Variants in ANTKMT observed in about 807,000 individuals in gnomAD.
The protein encoded by ANTKMT is adenine nucleotide translocase lysine methyltransferase.
Under a neutral mutation model 20.7 loss-of-function variants are expected in ANTKMT, and 24 were observed. The observed-to-expected ratio is 1.16, with a 90% confidence interval of 0.84 to 1.63. The LOEUF (loss-of-function observed/expected upper bound fraction) is 1.63, where lower values mean the gene tolerates loss of function less well. Among genes scored for constraint, ANTKMT ranks in the 40% most tolerant of loss-of-function variants. The pLI is 0.00. For missense variants in ANTKMT, 428 were observed against 334.8 expected (o/e 1.28, Z -2.17); for synonymous variants, 193 against 161.2 (o/e 1.20, Z -1.49).
chr16:722,152 AG>A lies in ANTKMT; in HGVS notation c.459+19del. 1 of 1,601,608 alleles carries A rather than the reference AG, an allele frequency of 6.2e-7. No individual in the cohort carries two copies. Among genetic ancestry groups the A allele is most frequent in the Non-Finnish European group, 8.5e-7 (1 of 1,176,752 alleles). On this transcript the variant is annotated intron_variant, in intron 4 of 4. Coordinates refer to ENST00000569529, the MANE Select transcript of ANTKMT (RefSeq NM_023933.3). Reference sequence around the variant, plus strand: ...CTAGCGTGGTAGGTGCGGGGTTGCCAGCCCCGCTGGGAAGCCCCAGCCACAC... The same window carrying A: ...CTAGCGTGGTAGGTGCGGGGTTGCCACCCCGCTGGGAAGCCCCAGCCACAC...
At chr16:722,020 G>T in intron 3 of ANTKMT, 64 bp from the exon 4 acceptor site, 1 of 1,556,516 alleles carries the variant, frequency 6.4e-7, no homozygotes, top group Middle Eastern at 1.7e-4. Context: ...CCGGGACTCG[G>T]AAGCTGCGAT....
In ANTKMT at chr16:722,418, G is replaced by A; in HGVS notation, c.569G>A (p.Gly190Asp). 6.2e-7 allele frequency: 1 copy of A among 1,606,686 alleles called. No homozygotes were observed. Among genetic ancestry groups the A allele is most frequent in the Non-Finnish European group, 8.5e-7 (1 of 1,176,854 alleles). ...TWQPVTAVGE[G>D]LDRVWAYDVP... is the part of the protein sequence containing the mutation. ...CAGCCTGTGACCGCGGTTGGCGAGG[G>A]CCTGGACCGAGTATGGGCTTATGAT... The change falls in exon 5 of 5, where the codon GGC (glycine) becomes GAC (aspartate). Residue 190 changes from glycine (G) to aspartate (D), a missense_variant. Coordinates refer to ENST00000569529, the MANE Select transcript of ANTKMT (RefSeq NM_023933.3).
At chr16:721,577 T>A in intron 1 of ANTKMT, 21 bp from the exon 2 acceptor site, 2 of 1,533,128 alleles carry the variant, frequency 1.3e-6, no homozygotes, top group Admixed American at 4.0e-5. Flanking sequence ...GCCAGTGGAC[T>A]CTCGCCGCCA....
rs56225914 is a variant in ANTKMT, at chr16:721,181, C to G, written c.-94C>G. 0.24 allele frequency: 283,580 copies of G among 1,162,220 alleles called. 36,071 individuals are homozygous for G. Among genetic ancestry groups the G allele is most frequent in the South Asian group, 0.33 (7,771 of 23,482 alleles). 72.0% of individuals were successfully genotyped at this position (1,162,220 alleles called of 1,614,324 possible). ...TCGCGCGGCGGCTCCCGGCAGGAGGCAGAGGGCACACCGCCAGCCCCAGGC... is the reference window on the plus strand; with the variant it reads ...TCGCGCGGCGGCTCCCGGCAGGAGGGAGAGGGCACACCGCCAGCCCCAGGC... On this transcript the variant is annotated 5_prime_UTR_variant, in exon 1 of 5. Transcript: ENST00000569529.
In ANTKMT at chr16:721,447, G is replaced by C. The variant is rs1596587036; in HGVS notation, c.162+11G>C. On this transcript the variant is annotated intron_variant, in intron 1 of 4. Transcript: ENST00000569529. ...CCGCTGCGGCTGCAGGTGCGGGGCG[G>C]GGCCAGGCCGGGCAGGGGAGCTCGG... 5.2e-6 allele frequency: 7 copies of C among 1,333,566 alleles called. No individual in the cohort carries two copies. The East Asian group carries it at 2.2e-4, about 42-fold the overall frequency. The allele number at this position is 1,333,566 out of a possible 1,614,324, so 82.6% of individuals were successfully genotyped here. A position where few individuals can be genotyped will look rare whatever the true frequency, so the allele number is the denominator to read the frequency against.
In ANTKMT at chr16:721,782, A is replaced by C. The variant is rs2040239162; in HGVS notation, c.268-19A>C. ...CGCCCCTGCCCACATCCTGGTTCCC[A>C]CACTCTCGGTGCCCACAGGTGCTGG... On this transcript the variant is annotated intron_variant, in intron 2 of 4. Coordinates refer to ENST00000569529, the MANE Select transcript of ANTKMT (RefSeq NM_023933.3). 6.5e-7 allele frequency: 1 copy of C among 1,535,126 alleles called. No individual in the cohort carries two copies. Among genetic ancestry groups the C allele is most frequent in the South Asian group, 1.2e-5 (1 of 82,702 alleles).
At position 721,502 on chromosome 16, in the gene ANTKMT, T is replaced by G. The variant is rs1419938427; in HGVS notation, c.162+66T>G. 2.8e-6 allele frequency: 4 copies of G among 1,424,252 alleles called. No homozygotes were observed. The African/African-American group carries it at 6.1e-5, about 22-fold the overall frequency. 88.2% of individuals were successfully genotyped at this position (1,424,252 alleles called of 1,614,324 possible). On this transcript the variant is annotated intron_variant, in intron 1 of 4. Transcript: ENST00000569529. ...CGCTCAGGGTCTCAAGGTCTGGGCG[T>G]GGCCGGGGTGAGCTCCGCCCCGCCG...
Position 722,154 on chromosome 16 carries a change from C to G in ANTKMT, c.459+20C>G. On this transcript the variant is annotated intron_variant, in intron 4 of 4. Transcript: ENST00000569529. ...AGCGTGGTAGGTGCGGGGTTGCCAG[C>G]CCCGCTGGGAAGCCCCAGCCACACC... 1 of 1,601,960 alleles carries G rather than the reference C, an allele frequency of 6.2e-7. No homozygotes were observed. The highest frequency in any genetic ancestry group is 8.5e-7 in the Non-Finnish European group (1 of 1,176,794).
intron 1 of ANTKMT, 35 bp downstream of exon 1, chr16:721,471 G>T (rs1322787503): frequency 2.9e-5 from 39 of 1,367,520 alleles, no homozygotes; most frequent in Middle Eastern, 2.7e-4. Context: ...AGGGGAGCTC[G>T]GCTGCCGCTC....
chr16:722,028 G>A (rs1403753910), intron 3 of ANTKMT, 56 bp from the exon 4 acceptor site: 3 of 1,562,266 alleles, frequency 1.9e-6, no homozygotes, highest in Non-Finnish European at 2.6e-6. Context: ...CGGAAGCTGC[G>A]ATGACCCGGT....
chr16:722,484 G>C lies in ANTKMT; in HGVS notation c.635G>C (p.Arg212Pro). The C allele has an allele frequency of 6.2e-7, 1 of 1,612,388 alleles. No individual in the cohort carries two copies. Among genetic ancestry groups the C allele is most frequent in the African/African-American group, 1.3e-5 (1 of 75,048 alleles). Residue 212 changes from arginine to proline, a missense_variant, in exon 5 of 5, where the codon CGG becomes CCG. Arg to Pro is a moderately radical substitution (Grantham distance 103, BLOSUM62 -2). Transcript: ENST00000569529. ...CAGGCTGGGGAGGCCGCCTCCTCGC[G>C]GATACCCATCCAGGCTGCCCCCGGA... ...GGQAGEAASS[R>P]IPIQAAPGPS...
Position 722,361 on chromosome 16 carries a change from T to C in ANTKMT, c.512T>C (p.Val171Ala). ...ACAGAGCTGCCTGCTGGGGCCCGCG[T>C]GGTGTCTGGGCGCTTCCCACTCCCC... Reference protein sequence around the residue: ...LRTELPAGARVVSGRFPLPTW... With the variant: ...LRTELPAGARAVSGRFPLPTW... Residue 171 changes from valine (V) to alanine (A), a missense_variant, in exon 5 of 5, where the codon GTG becomes GCG. Transcript: ENST00000569529. 1 of 1,606,140 alleles carries C rather than the reference T, an allele frequency of 6.2e-7. No individual in the cohort carries two copies. The highest frequency in any genetic ancestry group is 8.5e-7 in the Non-Finnish European group (1 of 1,177,016).
In ANTKMT at chr16:722,151, C is replaced by T. The variant is rs778660338; in HGVS notation, c.459+17C>T. 1 of 1,601,990 alleles carries T rather than the reference C, an allele frequency of 6.2e-7. No homozygotes were observed. The highest frequency in any genetic ancestry group is 8.5e-7 in the Non-Finnish European group (1 of 1,176,882). On this transcript the variant is annotated intron_variant, in intron 4 of 4. Coordinates refer to ENST00000569529, the MANE Select transcript of ANTKMT (RefSeq NM_023933.3). Reference sequence around the variant, plus strand: ...CCTAGCGTGGTAGGTGCGGGGTTGCCAGCCCCGCTGGGAAGCCCCAGCCAC... The same window carrying T: ...CCTAGCGTGGTAGGTGCGGGGTTGCTAGCCCCGCTGGGAAGCCCCAGCCAC...
rs764776808 is a variant in ANTKMT, at chr16:721,789, C to G, written c.268-12C>G. 3.9e-6 allele frequency: 6 copies of G among 1,538,108 alleles called. No homozygotes were observed. In the South Asian group the frequency reaches 7.2e-5, roughly 18 times the overall value. On this transcript the variant is annotated splice_polypyrimidine_tract_variant and intron_variant, in intron 2 of 4. Coordinates refer to ENST00000569529, the MANE Select transcript of ANTKMT (RefSeq NM_023933.3). ...GCCCACATCCTGGTTCCCACACTCT[C>G]GGTGCCCACAGGTGCTGGCGGCCCA... is the stretch of plus-strand genomic sequence containing the variant.
rs936756311 is a variant in ANTKMT, at chr16:721,383, G to T, written c.109G>T (p.Val37Leu). 1.5e-6 allele frequency: 2 copies of T among 1,310,736 alleles called. No homozygotes were observed. The highest frequency in any genetic ancestry group is 8.2e-5 in the Admixed American group (2 of 24,502). 81.2% of individuals were successfully genotyped at this position (1,310,736 alleles called of 1,614,324 possible). The change falls in exon 1 of 5, where the codon GTG becomes TTG. Residue 37 changes from valine to leucine, a missense_variant. Val to Leu is a conservative substitution (Grantham distance 32, BLOSUM62 1). Coordinates refer to ENST00000569529, the MANE Select transcript of ANTKMT (RefSeq NM_023933.3). Reference sequence around the variant, plus strand: ...CGGCTCGGGCTTGGCAGCCTACGCGGTGTGGGCGCTGCTGCTCCAGCCCGG... The same window carrying T: ...CGGCTCGGGCTTGGCAGCCTACGCGTTGTGGGCGCTGCTGCTCCAGCCCGG... ...AAGSGLAAYA[V>L]WALLLQPGFR... is the part of the protein sequence containing the mutation.
At chr16:722,045 C>T (rs773073525) in intron 3 of ANTKMT, 39 bp from the exon 4 acceptor site, 3 of 1,578,528 alleles carry the variant, frequency 1.9e-6, no homozygotes, top group Non-Finnish European at 2.6e-6. Flanking sequence ...CGGTGCCCAC[C>T]AGGCCTCTCC....
In ANTKMT at chr16:721,782, A is replaced by T. The variant is rs2040239162; in HGVS notation, c.268-19A>T. 6.5e-7 allele frequency: 1 copy of T among 1,535,242 alleles called. No individual in the cohort carries two copies. The highest frequency in any genetic ancestry group is 8.8e-7 in the Non-Finnish European group (1 of 1,142,044). ...CGCCCCTGCCCACATCCTGGTTCCC[A>T]CACTCTCGGTGCCCACAGGTGCTGG... is the stretch of plus-strand genomic sequence containing the variant. On this transcript the variant is annotated intron_variant, in intron 2 of 4. Transcript: ENST00000569529.
At chr16:722,284 T>C (rs1240378419) in intron 4 of ANTKMT, 25 bp from the exon 5 acceptor site, 1 of 1,413,154 alleles carries the variant, frequency 7.1e-7, no homozygotes, top group Non-Finnish European at 1.0e-6. Context: ...CCCCGCCCCC[T>C]CTACTCTGCT....
In ANTKMT at chr16:721,417, G is replaced by A; in HGVS notation, c.143G>A (p.Arg48His). ...WALLLQPGFR[R>H]VPLRLQVPYV... ...CTGCTGCTCCAGCCCGGCTTCCGGC[G>A]CGTGCCGCTGCGGCTGCAGGTGCGG... The change falls in exon 1 of 5, where the codon CGC (arginine) becomes CAC (histidine). Residue 48 changes from arginine (R) to histidine (H), a missense_variant. Coordinates refer to ENST00000569529, the MANE Select transcript of ANTKMT (RefSeq NM_023933.3). The A allele has an allele frequency of 3.1e-6, 4 of 1,296,332 alleles. No individual in the cohort carries two copies. The highest frequency in any genetic ancestry group is 3.9e-6 in the Non-Finnish European group (4 of 1,028,518). The allele number at this position is 1,296,332 out of a possible 1,614,324, so 80.3% of individuals were successfully genotyped here.
Sources: allele counts gnomAD v4.1 joint callset, GRCh38; gene constraint gnomAD v4.1.1; transcripts MANE v1.5; gene names NCBI Gene and HGNC (gene_info 2026-07-23, HGNC 2026-07-21).